AZU1: variants seen among roughly 807,000 people sequenced by gnomAD.
The protein encoded by AZU1 is azurocidin.
AZU1 carries 21 observed loss-of-function variants against 17.8 expected under a neutral mutation model. The observed-to-expected ratio is 1.18, with a 90% CI of 0.84 to 1.70. The LOEUF is 1.70. Ranked by LOEUF, AZU1 falls within the 40% of genes most tolerant of loss-of-function variation. The pLI, the probability that AZU1 is intolerant of heterozygous loss-of-function variation, is 0.00. For synonymous variants in AZU1, 178 were observed against 155.2 expected (o/e 1.15, Z -1.09); for missense variants, 379 against 362.9 (o/e 1.04, Z -0.36).
Position 831,796 on chromosome 19 carries a change from C to A in AZU1, c.675C>A (p.Gly225=), listed in dbSNP as rs775497156. 3.1e-6 allele frequency: 5 copies of A among 1,612,686 alleles called. No homozygotes were observed. The change falls in exon 5 of 5, where the codon GGC becomes GGA. Residue 225 remains glycine (G), a synonymous_variant. Transcript: ENST00000233997. ...ASFSLGPCGR[G]PDFFTRVALF... ...TTTCCCTGGGGCCCTGTGGCCGAGG[C>A]CCTGACTTCTTCACCCGAGTGGCGC...
chr19:828,262 C>A lies in AZU1; in HGVS notation c.91C>A (p.Arg31=), dbSNP rs753330643. The A allele has an allele frequency of 2.5e-6, 4 of 1,608,298 alleles. No individual in the cohort carries two copies. In the African/African-American group the frequency reaches 4.0e-5, roughly 16 times the overall value. Residue 31 remains arginine, a synonymous_variant, in exon 2 of 5, where the codon CGG becomes AGG. Coordinates refer to ENST00000233997, the MANE Select transcript of AZU1 (RefSeq NM_001700.5). ...CCCCCTTTTGGACATCGTTGGCGGCCGGAAGGCGAGGCCCCGCCAGTTCCC... is the reference window on the plus strand; with the variant it reads ...CCCCCTTTTGGACATCGTTGGCGGCAGGAAGGCGAGGCCCCGCCAGTTCCC... ...SSPLLDIVGG[R]KARPRQFPFL...
chr19:828,123 C>A (rs2035237373), intron 1 of AZU1, 107 bp from the exon 2 acceptor site: 1 of 1,363,358 alleles, frequency 7.3e-7, no homozygotes, highest in African/African-American at 1.4e-5. Flanking sequence ...AGGGTGGGTC[C>A]CCCCGCAGCC....
intron 1 of AZU1, 131 bp from the exon 2 acceptor site, chr19:828,099 T>G (rs2035236851): frequency 7.6e-7 from 1 of 1,321,298 alleles, no homozygotes; most frequent in Non-Finnish European, 1.0e-6. Context: ...TCTTAGGGAG[T>G]GGGACGATGG....
At chr19:828,996 C>G (rs112952259) in intron 2 of AZU1, among the ~76,000 whole-genome samples, 4 of 32,226 alleles carry the variant, frequency 1.2e-4, no homozygotes, top group African/African-American at 3.3e-4. Context: ...TGGGGGAGGC[C>G]CAGGGAAGGG....
chr19:829,676 G>A lies in AZU1; in HGVS notation c.330G>A (p.Gln110=). 6.2e-7 allele frequency: 1 copy of A among 1,613,376 alleles called. No individual in the cohort carries two copies. The highest frequency in any genetic ancestry group is 1.7e-5 in the Admixed American group (1 of 60,012). ...SSMSENGYDP[Q]QNLNDLMLLQ... is the part of the protein sequence containing the mutation. The stretch of plus-strand genomic sequence containing the variant: ...TGAGCGAGAATGGCTACGACCCCCA[G>A]CAGAACCTGAACGACCTGATGCTGC... The change falls in exon 3 of 5, where the codon CAG becomes CAA. Residue 110 remains glutamine, a synonymous_variant. Transcript: ENST00000233997.
intron 3 of AZU1, 115 bp downstream of exon 3, chr19:829,821 G>T: frequency 1.4e-6 from 2 of 1,396,830 alleles, no homozygotes; most frequent in Non-Finnish European, 1.9e-6. Context: ...GGGAGTGGTG[G>T]CGCGCACCTG....
chr19:830,805 G>A lies in AZU1; in HGVS notation c.458G>A (p.Gly153Asp), dbSNP rs371000929. 6.2e-7 allele frequency: 1 copy of A among 1,606,720 alleles called. No homozygotes were observed. Among genetic ancestry groups the A allele is most frequent in the African/African-American group, 1.3e-5 (1 of 74,932 alleles). ...VEAGTRCQVA[G>D]WGSQRSGGRL... is the part of the protein sequence containing the mutation. ...GCCGGCACCAGATGCCAGGTGGCCG[G>A]CTGGGGGAGCCAGCGCAGTGGGGGG... is the stretch of plus-strand genomic sequence containing the variant. The change falls in exon 4 of 5, where the codon GGC (glycine) becomes GAC (aspartate). Residue 153 changes from glycine (G) to aspartate (D), a missense_variant. Physicochemically the swap from Gly to Asp is moderately conservative, Grantham distance 94. Transcript: ENST00000233997.
rs758299163 is a variant in AZU1, at chr19:828,363, C to T, written c.192C>T (p.Thr64=). ...GALIHARFVM[T]AASCFQSQNP... is the part of the protein sequence containing the mutation. ...TGATCCATGCCCGCTTCGTGATGAC[C>T]GCGGCCAGCTGCTTCCAAAGCCAGT... The change falls in exon 2 of 5, where the codon ACC becomes ACT. Residue 64 remains threonine (T), a synonymous_variant. Transcript: ENST00000233997. 5.8e-5 allele frequency: 92 copies of T among 1,593,596 alleles called. No homozygotes were observed. The highest frequency in any genetic ancestry group is 5.7e-4 in the South Asian group (51 of 89,256).
intron 1 of AZU1, 62 bp from the exon 2 acceptor site, chr19:828,168 C>T: frequency 1.3e-6 from 2 of 1,515,590 alleles, no homozygotes; most frequent in Non-Finnish European, 1.8e-6. Context: ...TGCAGCTTCA[C>T]ACGCCCTCCC....
intron 2 of AZU1, 148 bp from the exon 3 acceptor site, chr19:829,414 G>C (rs886558457): frequency 3.5e-6 from 4 of 1,136,954 alleles, no homozygotes; most frequent in Admixed American, 2.2e-5. Context: ...GGAAAGTCTC[G>C]GCTCTGCTTC....
chr19:831,238 G>A lies in AZU1; in HGVS notation c.594+297G>A, dbSNP rs1221016948. 1.5e-5 allele frequency: 6 copies of A among 396,684 alleles called. No homozygotes were observed. In the East Asian group the frequency reaches 1.8e-4, roughly 12 times the overall value. 24.6% of individuals were successfully genotyped at this position (396,684 alleles called of 1,614,324 possible). A position where few individuals can be genotyped will look rare whatever the true frequency, so the allele number is the denominator to read the frequency against. ...TGGGATTACAGGCATGCGCCACCAC[G>A]CCCGGCTAATTTTGTATTTTTAGTA... On this transcript the variant is annotated intron_variant, in intron 4 of 4. Coordinates refer to ENST00000233997, the MANE Select transcript of AZU1 (RefSeq NM_001700.5).
rs184057116 is a variant in AZU1, at chr19:828,258, C to T, written c.87C>T (p.Gly29=). The part of the protein sequence containing the change: ...AGSSPLLDIV[G]GRKARPRQFP... Reference sequence around the variant, plus strand: ...CCAGCCCCCTTTTGGACATCGTTGGCGGCCGGAAGGCGAGGCCCCGCCAGT... The same window carrying T: ...CCAGCCCCCTTTTGGACATCGTTGGTGGCCGGAAGGCGAGGCCCCGCCAGT... The change falls in exon 2 of 5, where the codon GGC becomes GGT. Residue 29 remains glycine (G), a synonymous_variant. Transcript: ENST00000233997. 1.5e-3 allele frequency: 2,345 copies of T among 1,608,610 alleles called. 56 individuals carry two copies. In the Admixed American group the frequency reaches 0.037, roughly 26 times the overall value.
At chr19:831,080 C>CTTT in intron 4 of AZU1, 139 bp downstream of exon 4, 36 of 590,886 alleles carry the variant, frequency 6.1e-5, no homozygotes, top group Non-Finnish European at 7.6e-5. Context: ...GAAACAGTAT[C>CTTT]TTTTTTTTTT....
chr19:828,099 T>C, intron 1 of AZU1, 131 bp from the exon 2 acceptor site: 1 of 1,321,298 alleles, frequency 7.6e-7, no homozygotes. Context: ...TCTTAGGGAG[T>C]GGGACGATGG....
chr19:831,542 T>C, intron 4 of AZU1, 174 bp from the exon 5 acceptor site: 1 of 754,164 alleles, frequency 1.3e-6, no homozygotes, highest in Non-Finnish European at 2.0e-6. Context: ...AGAAAGCAAC[T>C]GATCCCAAAG....
chr19:830,566 C>A, intron 3 of AZU1, 142 bp from the exon 4 acceptor site: 1 of 740,922 alleles, frequency 1.3e-6, no homozygotes, highest in Non-Finnish European at 2.1e-6. Flanking sequence ...AGGCGTGAGC[C>A]ACCGCACCCG....
chr19:829,782 G>A, intron 3 of AZU1, 76 bp downstream of exon 3: 1 of 1,550,268 alleles, frequency 6.5e-7, no homozygotes, highest in Non-Finnish European at 8.8e-7. Context: ...TCCAAACTTG[G>A]TCTCTACAAA....
chr19:831,458 G>A, intron 4 of AZU1: 1 of 499,272 alleles, frequency 2.0e-6, no homozygotes, highest in Non-Finnish European at 3.6e-6. Context: ...GGTAGAGCCG[G>A]TCACTGAGGG....
intron 3 of AZU1, among the ~76,000 whole-genome samples, chr19:830,217 G>A (rs528666810): frequency 3.3e-5 from 5 of 152,150 alleles, no homozygotes; most frequent in African/African-American, 4.8e-5. Context: ...CCGAGATCGC[G>A]CCCCTGCACT....
Sources: gnomAD v4.1 joint callset for allele counts (sites outside exome capture counted in the v4.1 genomes callset) on GRCh38, gnomAD v4.1.1 for gene constraint, MANE v1.5 for transcripts, NCBI Gene and HGNC (gene_info 2026-07-23, HGNC 2026-07-21) for gene names.